The following L3MBTL4 variants were observed in gnomAD, a reference collection of about 807,000 sequenced individuals.
L3MBTL4 encodes lethal(3)malignant brain tumor-like protein 4.
In L3MBTL4, 70 loss-of-function variants were observed where a neutral mutation model predicts 84.5. The ratio of observed to expected loss-of-function variants is 0.83; its 90% confidence interval spans 0.68 to 1.01. The LOEUF is 1.01. Ranked by LOEUF, L3MBTL4 falls within the 50% of genes least tolerant of loss-of-function variation. The probability of loss-of-function intolerance (pLI) is 0.00; values close to 1 mark genes in which losing one functional copy is unlikely to be tolerated. For synonymous variants in L3MBTL4, 274 were observed against 259.8 expected (o/e 1.05, Z -0.52); for missense variants, 715 against 754.8 (o/e 0.95, Z 0.62).
intron 16 of L3MBTL4, among the ~76,000 whole-genome samples, chr18:6,062,405 T>A (rs1394942861): frequency 6.6e-6 from 1 of 152,014 alleles, no homozygotes; most frequent in African/African-American, 2.4e-5. Flanking sequence ...TTCAAGATTT[T>A]CTCTTCATCT....
Position 6,072,925 on chromosome 18 carries a change from T to TACAC in L3MBTL4, c.1444+7952_1444+7955dup, listed in dbSNP as rs56899160. Among the ~76,000 whole-genome samples the TACAC allele has an allele frequency of 6.3e-4, 50 of 79,568 alleles. 1 individual carries two copies. The highest frequency in any genetic ancestry group is 2.6e-3 in the African/African-American group (37 of 14,424). 52.2% of individuals were successfully genotyped at this position (79,568 alleles called of 152,430 possible). A position where few individuals can be genotyped will look rare whatever the true frequency, so the allele number is the denominator to read the frequency against. On this transcript the variant is annotated intron_variant, in intron 16 of 18. Transcript: ENST00000317931. ...ATATATATATATATATATATATATATACACACATACATATTTAAAAACAAA... is the reference window on the plus strand; with the variant it reads ...ATATATATATATATATATATATATATACACACACACATACATATTTAAAAACAAA...
In L3MBTL4 at chr18:6,138,377, T is replaced by C. The variant is rs2060094539; in HGVS notation, c.1097-81A>G. 8.5e-6 allele frequency: 7 copies of C among 824,830 alleles called. No individual in the cohort carries two copies. The East Asian group carries it at 1.9e-4, about 22-fold the overall frequency. The allele number at this position is 824,830 out of a possible 1,614,324, so 51.1% of individuals were successfully genotyped here. A position where few individuals can be genotyped will look rare whatever the true frequency, so the allele number is the denominator to read the frequency against. On this transcript the variant is annotated intron_variant, in intron 13 of 18. Coordinates refer to ENST00000317931, the MANE Select transcript of L3MBTL4 (RefSeq NM_001330559.2). ...ATCTGAAATATGTAAATGATGCTAA[T>C]TAAGACTTTACAAATTAAAAACAAA... is the stretch of plus-strand genomic sequence containing the variant.
chr18:6,248,775 A>C (rs1363555692), intron 5 of L3MBTL4, among the ~76,000 whole-genome samples: 1 of 152,068 alleles, frequency 6.6e-6, no homozygotes, highest in African/African-American at 2.4e-5. Context: ...TATTACACGT[A>C]CTCTTTTTCA....
chr18:6,312,501 C>T (rs1028437077), intron 1 of L3MBTL4, among the ~76,000 whole-genome samples: 2 of 152,146 alleles, frequency 1.3e-5, no homozygotes, highest in Non-Finnish European at 2.9e-5. Flanking sequence ...TTGCCCAGAG[C>T]TTCCTCTTAC....
At chr18:6,259,527 T>G (rs2048306731) in intron 5 of L3MBTL4, 2 of 152,468 alleles carry the variant, frequency 1.3e-5, no homozygotes, top group African/African-American at 4.8e-5. Flanking sequence ...TTGAGAAGTG[T>G]CTGTTCATGT....
At chr18:6,222,966 ATAAT>A (rs1366846072) in intron 10 of L3MBTL4, among the ~76,000 whole-genome samples, 97 of 148,536 alleles carry the variant, frequency 6.5e-4, no homozygotes, top group African/African-American at 2.2e-3. Flanking sequence ...ATAATATAAT[ATAAT>A]ATAATATAAT....
intron 4 of L3MBTL4, among the ~76,000 whole-genome samples, chr18:6,268,073 A>G (rs1413223626): frequency 1.3e-5 from 2 of 152,142 alleles, no homozygotes; most frequent in African/African-American, 4.8e-5. Context: ...TATTTTCATC[A>G]TTGTTTCTCT....
At chr18:6,278,864 T>TAAA (rs76899503) in intron 4 of L3MBTL4, among the ~76,000 whole-genome samples, 3 of 143,120 alleles carry the variant, frequency 2.1e-5, no homozygotes, top group African/African-American at 7.6e-5. Flanking sequence ...CGCTTTTACT[T>TAAA]AAAAAAAAAA....
intron 1 of L3MBTL4, among the ~76,000 whole-genome samples, chr18:6,355,794 G>A (rs544518494): frequency 3.9e-4 from 59 of 151,538 alleles, no homozygotes; most frequent in African/African-American, 1.4e-3. Context: ...ATAAACTTTA[G>A]CACCCTCATT....
At chr18:5,977,426 G>C (rs886794274) in intron 16 of L3MBTL4, among the ~76,000 whole-genome samples, 4 of 152,046 alleles carry the variant, frequency 2.6e-5, no homozygotes, top group African/African-American at 9.7e-5. Context: ...GGCCTCCCCT[G>C]TCCTCTGCGC....
intron 16 of L3MBTL4, among the ~76,000 whole-genome samples, chr18:5,999,960 C>T (rs1008407473): frequency 1.4e-4 from 22 of 152,238 alleles, no homozygotes; most frequent in African/African-American, 4.3e-4. Flanking sequence ...TTGCAGGAAG[C>T]ACTCTGTCTC....
At position 6,009,793 on chromosome 18, in the gene L3MBTL4, A is replaced by G. The variant is rs114087357; in HGVS notation, c.1445-40231T>C. ...TTGGTTGAATCTGTGGTTGCAGGTAAGGACACAAACGGCTTCCTGTAAATG... is the reference window on the plus strand; with the variant it reads ...TTGGTTGAATCTGTGGTTGCAGGTAGGGACACAAACGGCTTCCTGTAAATG... On this transcript the variant is annotated intron_variant, in intron 16 of 18. Coordinates refer to ENST00000317931, the MANE Select transcript of L3MBTL4 (RefSeq NM_001330559.2). 1.6e-3 allele frequency among the ~76,000 whole-genome samples: 242 copies of G among 152,326 alleles called. 2 individuals carry two copies. Among genetic ancestry groups the G allele is most frequent in the African/African-American group, 5.7e-3 (238 of 41,574 alleles).
intron 1 of L3MBTL4, among the ~76,000 whole-genome samples, chr18:6,312,428 C>A (rs1056708956): frequency 2.4e-4 from 37 of 152,278 alleles, no homozygotes; most frequent in Non-Finnish European, 2.5e-4. Context: ...GAGCTCATCT[C>A]CCTCCACACT....
chr18:5,961,282 G>A (rs369100151), intron 17 of L3MBTL4, among the ~76,000 whole-genome samples: 1 of 152,168 alleles, frequency 6.6e-6, no homozygotes, highest in South Asian at 2.1e-4. Flanking sequence ...GGAGAAGTCA[G>A]CAGACGCTGC....
At chr18:5,975,474 G>C (rs1275927879) in intron 16 of L3MBTL4, among the ~76,000 whole-genome samples, 1 of 152,184 alleles carries the variant, frequency 6.6e-6, no homozygotes, top group Non-Finnish European at 1.5e-5. Flanking sequence ...CTCCACCCAG[G>C]ACCTGTGCTT....
chr18:6,380,580 T>G (rs753520230), intron 1 of L3MBTL4, among the ~76,000 whole-genome samples: 1 of 152,156 alleles, frequency 6.6e-6, no homozygotes, highest in Non-Finnish European at 1.5e-5. Flanking sequence ...ATTTACCCAG[T>G]AGTCATTCGG....
At chr18:5,988,664 A>AT (rs2053563759) in intron 16 of L3MBTL4, among the ~76,000 whole-genome samples, 1 of 141,332 alleles carries the variant, frequency 7.1e-6, no homozygotes, top group Admixed American at 6.7e-5. Context: ...ATGTATATGC[A>AT]TTTAAAAAAA....
At chr18:5,990,119 G>A (rs76309792) in intron 16 of L3MBTL4, among the ~76,000 whole-genome samples, 8,335 of 152,282 alleles carry the variant, frequency 0.055, 281 homozygotes, top group Middle Eastern at 0.12. Context: ...CCCTTTGGCT[G>A]TGGGGAACCA....
intron 12 of L3MBTL4, among the ~76,000 whole-genome samples, chr18:6,203,001 T>C (rs1444533269): frequency 6.6e-6 from 1 of 152,146 alleles, no homozygotes; most frequent in Non-Finnish European, 1.5e-5. Context: ...CAGGCATGTA[T>C]TAAAATCACC....
Sources: allele counts gnomAD v4.1 joint callset (sites outside exome capture counted in the v4.1 genomes callset), GRCh38; gene constraint gnomAD v4.1.1; transcripts MANE v1.5; gene names NCBI Gene and HGNC (gene_info 2026-07-23, HGNC 2026-07-21).